KBTBD3: variants seen among roughly 807,000 people sequenced by gnomAD.
KBTBD3 encodes the protein kelch repeat and BTB domain containing 3.
In KBTBD3, 38 loss-of-function variants were observed where a neutral mutation model predicts 49.6. The ratio of observed to expected loss-of-function variants is 0.77; its 90% CI spans 0.59 to 1.00. The LOEUF (loss-of-function observed/expected upper bound fraction) is 1.00, where lower values mean the gene tolerates loss of function less well. Among genes scored for constraint, KBTBD3 ranks in the 50% least tolerant of loss-of-function variants. The pLI is 0.00. For synonymous variants in KBTBD3, 214 were observed against 250.4 expected, an observed-to-expected ratio of 0.85 and a Z score of 1.37; for missense variants, 661 against 712.0, an observed-to-expected ratio of 0.93 and a Z score of 0.81.
At chr11:106,076,948 T>C (rs1861042913) in intron 1 of KBTBD3, among the ~76,000 whole-genome samples, 1 of 152,204 alleles carries the variant, frequency 6.6e-6, no homozygotes, top group Non-Finnish European at 1.5e-5. Context: ...GCTCAGCTGC[T>C]CGCTGGCAGC....
At chr11:106,061,509 A>G (rs1374020077) in intron 2 of KBTBD3, among the ~76,000 whole-genome samples, 1 of 152,210 alleles carries the variant, frequency 6.6e-6, no homozygotes, top group Non-Finnish European at 1.5e-5. Context: ...AGAGTGTTCT[A>G]GATGAGATTA....
intron 2 of KBTBD3, among the ~76,000 whole-genome samples, chr11:106,066,013 A>G (rs1049546327): frequency 6.6e-6 from 1 of 151,940 alleles, no homozygotes; most frequent in African/African-American, 2.4e-5. Context: ...GCATGTAGAT[A>G]CCAGGAAATT....
chr11:106,069,713 A>AT (rs1240557096), intron 2 of KBTBD3, among the ~76,000 whole-genome samples: 2 of 152,008 alleles, frequency 1.3e-5, no homozygotes, highest in African/African-American at 2.4e-5. Flanking sequence ...GGTTTAACAC[A>AT]TTTTTTATCA....
chr11:106,053,088 T>C lies in KBTBD3; in HGVS notation c.1601A>G (p.Glu534Gly). Residue 534 changes from glutamate to glycine, a missense_variant, in exon 4 of 4, where the codon GAA becomes GGA. Transcript: ENST00000531837. The stretch of plus-strand genomic sequence containing the variant: ...AAAGCCTGCACACTCAAAAGATCCT[T>C]CGCCTTTCCAAACACAAGTGTCTGG... ...FCPDTCVWKG[E>G]GSFECAGFNA... The C allele has an allele frequency of 6.2e-7, 1 of 1,613,756 alleles. No homozygotes were observed. Among genetic ancestry groups the C allele is most frequent in the South Asian group, 1.1e-5 (1 of 91,066 alleles).
rs557063575 is a variant in KBTBD3 at position 106,053,267 on chromosome 11, A to G, written c.1422T>C (p.Asp474=). The change falls in exon 4 of 4, where the codon GAT becomes GAC. Residue 474 remains aspartate (D), a synonymous_variant. Transcript: ENST00000531837. ...TTGTAGCATTGTATTTAAAAAAGCA[A>G]TCAAGTGATGGGTTAAAAGCATCTG... ...EITDAFNPSL[D]CFFKYNATTD... 192 of 1,613,698 alleles carry G rather than the reference A, an allele frequency of 1.2e-4. 3 individuals carry two copies. In the South Asian group the frequency reaches 1.9e-3, roughly 16 times the overall value.
At chr11:106,059,969 G>A (rs2135005006) in intron 2 of KBTBD3, among the ~76,000 whole-genome samples, 1 of 152,224 alleles carries the variant, frequency 6.6e-6, no homozygotes, top group African/African-American at 2.4e-5. Context: ...ATCTCTAATG[G>A]TCCTGTGAGT....
chr11:106,058,951 A>AT lies in KBTBD3; in HGVS notation c.146dup (p.Asn49LysfsTer5). The AT allele has an allele frequency of 1.9e-6, 3 of 1,569,468 alleles. No individual in the cohort carries two copies. Among genetic ancestry groups the AT allele is most frequent in the Non-Finnish European group, 2.6e-6 (3 of 1,165,516 alleles). On this transcript the variant is annotated frameshift_variant, in exon 3 of 4. Coordinates refer to ENST00000531837, the MANE Select transcript of KBTBD3 (RefSeq NM_198439.3). LOFTEE classifies it high-confidence loss of function. ...TAATTATTTTGAAATCATAAAAGAC[A>AT]TTTTGTTCTCTAAAATTCTGTAGTA...
chr11:106,075,661 C>G (rs1274605708), intron 2 of KBTBD3: 1 of 152,164 alleles, frequency 6.6e-6, no homozygotes. Context: ...ATTAAACAAA[C>G]CTATAAAATA....
chr11:106,061,336 G>C (rs764325380), intron 2 of KBTBD3, among the ~76,000 whole-genome samples: 1 of 152,200 alleles, frequency 6.6e-6, no homozygotes, highest in African/African-American at 2.4e-5. Flanking sequence ...GCCATGTGTA[G>C]CTATTTAAAT....
chr11:106,066,807 T>C (rs1305538963), intron 2 of KBTBD3, among the ~76,000 whole-genome samples: 1 of 147,836 alleles, frequency 6.8e-6, no homozygotes, highest in African/African-American at 2.5e-5. Flanking sequence ...TCCTGCTAAG[T>C]ACAAAAAAAA....
At chr11:106,058,714 G>A (rs772049558) in intron 3 of KBTBD3, 151 bp downstream of exon 3, 25 of 601,636 alleles carry the variant, frequency 4.2e-5, no homozygotes, top group African/African-American at 2.6e-4. Context: ...GTGAGCCACC[G>A]TGCCCAGCCT....
At chr11:106,055,444 A>G (rs1462926952) in intron 3 of KBTBD3, among the ~76,000 whole-genome samples, 1 of 152,218 alleles carries the variant, frequency 6.6e-6, no homozygotes, top group Non-Finnish European at 1.5e-5. Context: ...AATCTATTTA[A>G]AAAGTACAAC....
chr11:106,063,166 T>G (rs1395800755), intron 2 of KBTBD3, among the ~76,000 whole-genome samples: 3 of 152,248 alleles, frequency 2.0e-5, no homozygotes, highest in African/African-American at 4.8e-5. Flanking sequence ...TTATTGTAAC[T>G]GACTTAAAAA....
rs746532985 is a variant in KBTBD3 at position 106,058,926 on chromosome 11, T to C, written c.172A>G (p.Met58Val). 6.3e-7 allele frequency: 1 copy of C among 1,574,982 alleles called. No individual in the cohort carries two copies. The highest frequency in any genetic ancestry group is 1.2e-5 in the South Asian group (1 of 82,980). Residue 58 changes from methionine to valine, a missense_variant, in exon 3 of 4, where the codon ATG (methionine) becomes GTG (valine). Physicochemically the swap from Met to Val is conservative, Grantham distance 21. Transcript: ENST00000531837. ...TGACACGGGATTATTTCATCTTTCA[T>C]AATTATTTTGAAATCATAAAAGACA... ...QNVFYDFKIIMKDEIIPCHRC... is the reference protein window; with the variant it reads ...QNVFYDFKIIVKDEIIPCHRC...
intron 2 of KBTBD3, among the ~76,000 whole-genome samples, chr11:106,074,974 A>G (rs1861000101): frequency 1.3e-5 from 2 of 152,336 alleles, no homozygotes; most frequent in Middle Eastern, 3.4e-3. Context: ...GTTAGTGAGT[A>G]TATCTAAAAA....
intron 2 of KBTBD3, among the ~76,000 whole-genome samples, chr11:106,064,268 G>A (rs1472996605): frequency 5.3e-5 from 8 of 152,078 alleles, no homozygotes; most frequent in Non-Finnish European, 1.0e-4. Context: ...GCCAGGGACC[G>A]GGAGTGGTGG....
intron 2 of KBTBD3, among the ~76,000 whole-genome samples, chr11:106,061,103 C>T (rs1024611621): frequency 1.3e-5 from 2 of 152,150 alleles, no homozygotes; most frequent in African/African-American, 4.8e-5. Context: ...TTTCTTAATG[C>T]ACCCTCTCCA....
chr11:106,076,281 G>A (rs559257487), intron 2 of KBTBD3: 26 of 152,286 alleles, frequency 1.7e-4, no homozygotes, highest in African/African-American at 5.5e-4. Context: ...AGCTGACACA[G>A]GCTTTTGGTT....
chr11:106,071,895 T>C (rs1860924319), intron 2 of KBTBD3, among the ~76,000 whole-genome samples: 2 of 152,184 alleles, frequency 1.3e-5, no homozygotes, highest in Admixed American at 6.5e-5. Context: ...TAAATATTAA[T>C]GATTAAAATC....
Sources: gnomAD v4.1 joint callset for allele counts (sites outside exome capture counted in the v4.1 genomes callset) on GRCh38, gnomAD v4.1.1 for gene constraint, MANE v1.5 for transcripts, NCBI Gene and HGNC (gene_info 2026-07-23, HGNC 2026-07-21) for gene names.